ATP12A: variants seen among roughly 807,000 people sequenced by gnomAD.
The protein encoded by ATP12A is ATPase H+/K+ transporting non-gastric alpha2 subunit.
A neutral mutation model predicts 111.2 loss-of-function variants in ATP12A; 81 were observed. The observed-to-expected ratio is 0.73, with a 90% CI of 0.61 to 0.88. The LOEUF (loss-of-function observed/expected upper bound fraction) is 0.88. Among genes scored for constraint, ATP12A ranks in the 40% least tolerant of loss-of-function variants. The pLI is 0.00. For missense variants in ATP12A, 1,196 were observed against 1,313.1 expected (o/e 0.91, Z 1.38); for synonymous variants, 498 against 499.8 (o/e 1.00, Z 0.05).
At chr13:24,708,822 GAGAAAGAGAGAA>G (rs767325143) in intron 17 of ATP12A, among the ~76,000 whole-genome samples, 32 of 149,394 alleles carry the variant, frequency 2.1e-4, no homozygotes, top group Non-Finnish European at 2.8e-4. Flanking sequence ...AAGAAAGAAA[GAGAAAGAGAGAA>G]AGAAAGAGAG....
At chr13:24,687,626 C>G (rs565791484) in intron 3 of ATP12A, among the ~76,000 whole-genome samples, 1 of 152,318 alleles carries the variant, frequency 6.6e-6, no homozygotes, top group African/African-American at 2.4e-5. Context: ...TGGCAGGCCC[C>G]CCAGGGCAGG....
At chr13:24,698,904 A>C in intron 12 of ATP12A, 54 bp downstream of exon 12, 1 of 1,584,928 alleles carries the variant, frequency 6.3e-7, no homozygotes, top group Non-Finnish European at 8.6e-7. Flanking sequence ...GAGATGAGGC[A>C]GGCGCCTTGA....
At chr13:24,689,586 C>T (rs895426) in intron 5 of ATP12A, among the ~76,000 whole-genome samples, 1 of 151,978 alleles carries the variant, frequency 6.6e-6, no homozygotes, top group African/African-American at 2.4e-5. Flanking sequence ...GCTGGTTAGC[C>T]CAAGGCATCT....
In ATP12A at chr13:24,701,995, A is replaced by T. The variant is rs779346879; in HGVS notation, c.1942A>T (p.Ile648Phe). The change falls in exon 14 of 23, where the codon ATC becomes TTC. Residue 648 changes from isoleucine (I) to phenylalanine (F), a missense_variant. This residue lies in a region of ATP12A where 1,126 missense variants were observed against 1,228.5 expected (regional missense o/e 0.92). Transcript: ENST00000381946. ...TAKAIAKSVG[I>F]ISANSETVED... ...CAAAGCTATTGCCAAGAGTGTGGGG[A>T]TCATTTCAGCCAACAGTGAAACAGT... 4 of 1,614,186 alleles carry T rather than the reference A, an allele frequency of 2.5e-6. No individual in the cohort carries two copies. The highest frequency in any genetic ancestry group is 3.4e-6 in the Non-Finnish European group (4 of 1,180,022).
chr13:24,706,806 C>A (rs1013226254), intron 15 of ATP12A, among the ~76,000 whole-genome samples: 1 of 152,222 alleles, frequency 6.6e-6, no homozygotes, highest in Non-Finnish European at 1.5e-5. Flanking sequence ...AAGACACCTG[C>A]GCATTAGGTT....
chr13:24,711,434 C>A lies in ATP12A; in HGVS notation c.3091+25C>A, dbSNP rs4506755. 17 of 1,613,964 alleles carry A rather than the reference C, an allele frequency of 1.1e-5. No individual in the cohort carries two copies. The South Asian group carries it at 1.4e-4, about 14-fold the overall frequency. On this transcript the variant is annotated intron_variant, in intron 22 of 22. Transcript: ENST00000381946. ...AGTGAGTAGCCTATGATTTTAGAGG[C>A]TCTGTTTACCCACTTCAACAGACTC...
intron 2 of ATP12A, among the ~76,000 whole-genome samples, chr13:24,684,149 T>G (rs950679752): frequency 6.6e-6 from 1 of 151,422 alleles, no homozygotes; most frequent in Admixed American, 6.6e-5. Flanking sequence ...GATCATCCAC[T>G]ACTTGTATCT....
intron 21 of ATP12A, 129 bp downstream of exon 21, chr13:24,711,022 C>G (rs950382413): frequency 1.9e-5 from 16 of 860,230 alleles, no homozygotes; most frequent in Non-Finnish European, 2.7e-5. Context: ...TGATCCCATG[C>G]TCTGTGAGCC....
Position 24,695,184 on chromosome 13 carries a change from G to C in ATP12A, c.1512+606G>C, listed in dbSNP as rs560065015. ...CACGATTCTTCCACCATCACACAGA[G>C]GGAGTGCGGCACAGTTCAGGCCATG... On this transcript the variant is annotated intron_variant, in intron 11 of 22. Transcript: ENST00000381946. Among the ~76,000 whole-genome samples the C allele has an allele frequency of 2.6e-5, 4 of 152,362 alleles. No homozygotes were observed. The East Asian group carries it at 7.7e-4, about 29-fold the overall frequency.
intron 1 of ATP12A, among the ~76,000 whole-genome samples, chr13:24,681,350 G>A (rs1167733473): frequency 6.6e-6 from 1 of 152,018 alleles, no homozygotes; most frequent in Non-Finnish European, 1.5e-5. Context: ...TGCCCACCCC[G>A]CCTCCCCTCT....
Position 24,680,723 on chromosome 13 carries a change from C to A in ATP12A, c.-21C>A. 6.7e-7 allele frequency: 1 copy of A among 1,501,878 alleles called. No homozygotes were observed. The highest frequency in any genetic ancestry group is 8.8e-7 in the Non-Finnish European group (1 of 1,132,940). 93.0% of individuals were successfully genotyped at this position (1,501,878 alleles called of 1,614,324 possible). A position where few individuals can be genotyped will look rare whatever the true frequency, so the allele number is the denominator to read the frequency against. ...CGGATCCGCGCTCCACGCCCGCAGC[C>A]CGCGGCGCCACCAGCCCAGCATGCA... On this transcript the variant is annotated 5_prime_UTR_variant, in exon 1 of 23. Coordinates refer to ENST00000381946, the MANE Select transcript of ATP12A (RefSeq NM_001676.7).
chr13:24,681,409 C>T (rs1467454658), intron 1 of ATP12A, among the ~76,000 whole-genome samples, 153 bp from the exon 2 acceptor site: 1 of 152,104 alleles, frequency 6.6e-6, no homozygotes, highest in Non-Finnish European at 1.5e-5. Context: ...GGGAGAGACT[C>T]CACTGTCCGA....
At chr13:24,688,578 C>T in intron 4 of ATP12A, 56 bp downstream of exon 4, 1 of 1,458,040 alleles carries the variant, frequency 6.9e-7, no homozygotes, top group Non-Finnish European at 9.1e-7. Context: ...CCAGTGAGGC[C>T]TTGGGGGCAC....
At chr13:24,694,002 G>A (rs561488358) in intron 10 of ATP12A, among the ~76,000 whole-genome samples, 10 of 152,234 alleles carry the variant, frequency 6.6e-5, no homozygotes, top group Non-Finnish European at 1.5e-4. Flanking sequence ...GTACTTCCCT[G>A]TTTTCTGCTT....
chr13:24,710,823 C>A lies in ATP12A; in HGVS notation c.2929C>A (p.Gln977Lys). The A allele has an allele frequency of 6.2e-7, 1 of 1,614,232 alleles. No individual in the cohort carries two copies. The highest frequency in any genetic ancestry group is 8.5e-7 in the Non-Finnish European group (1 of 1,180,046). ...AGTCATCTGGGTGGGGATCACCTCA[C>A]AGATCATCATTGGTCTGATCCTCTC... The part of the protein sequence containing the change: ...NKVIWVGITS[Q>K]IIIGLILSYG... Residue 977 changes from glutamine (Q) to lysine (K), a missense_variant, in exon 21 of 23, where the codon CAG becomes AAG. Gln to Lys is a moderately conservative substitution (Grantham distance 53). Around this residue, in one of 3 missense-constraint regions of ATP12A, gnomAD observed 1,126 missense variants for 1,228.5 expected, o/e 0.92. Coordinates refer to ENST00000381946, the MANE Select transcript of ATP12A (RefSeq NM_001676.7).
At chr13:24,704,712 C>A in intron 14 of ATP12A, 1 of 239,462 alleles carries the variant, frequency 4.2e-6, no homozygotes, top group South Asian at 5.0e-5. Context: ...CATAATCTTC[C>A]TACGAATGTG....
rs541498620 is a variant in ATP12A at position 24,699,281 on chromosome 13, G to T, written c.1705+431G>T. On this transcript the variant is annotated intron_variant, in intron 12 of 22. Coordinates refer to ENST00000381946, the MANE Select transcript of ATP12A (RefSeq NM_001676.7). The stretch of plus-strand genomic sequence containing the variant: ...ATGAGATGGAGGTCTTGAACATCTG[G>T]GTGAGGAGCCAGGTTTCATCCTGCA... Among the ~76,000 whole-genome samples the T allele has an allele frequency of 5.3e-5, 8 of 152,262 alleles. No homozygotes were observed. In the South Asian group the frequency reaches 6.2e-4, roughly 12 times the overall value.
rs1309507328 is a variant in ATP12A, at chr13:24,711,824, T to C, written c.*302T>C. On this transcript the variant is annotated 3_prime_UTR_variant, in exon 23 of 23. Transcript: ENST00000381946. The stretch of plus-strand genomic sequence containing the variant: ...TGTATTTGAAACTCCTTGATGTTAA[T>C]AGTCTTGTGTAACCCAGGCATCTAC... 4.5e-6 allele frequency: 2 copies of C among 440,656 alleles called. No individual in the cohort carries two copies. The highest frequency in any genetic ancestry group is 2.3e-5 in the South Asian group (1 of 44,342). 27.3% of individuals were successfully genotyped at this position (440,656 alleles called of 1,614,324 possible).
At chr13:24,686,761 AGAAG>A (rs745857314) in intron 3 of ATP12A, among the ~76,000 whole-genome samples, 11 of 132,624 alleles carry the variant, frequency 8.3e-5, no homozygotes, top group East Asian at 2.8e-4. Context: ...AAAGAAAGAA[AGAAG>A]GAAGGAAGGA....
Sources: gnomAD v4.1 joint callset for allele counts (sites outside exome capture counted in the v4.1 genomes callset) on GRCh38, gnomAD v4.1.1 for gene constraint, gnomAD v4.1.1 regional missense constraint, MANE v1.5 for transcripts, NCBI Gene and HGNC (gene_info 2026-07-23, HGNC 2026-07-21) for gene names.